The following METTL24 variants were observed in gnomAD, a reference collection of about 807,000 sequenced individuals.
METTL24 encodes methyltransferase like 24.
Under a neutral mutation model 32.7 loss-of-function variants are expected in METTL24, and 29 were observed. The ratio of observed to expected loss-of-function variants is 0.89; its 90% CI spans 0.66 to 1.21. METTL24 has a LOEUF of 1.21. Ranked by LOEUF, METTL24 falls within the 50% of genes most tolerant of loss-of-function variation. METTL24 has a pLI of 0.00. For missense variants in METTL24, 439 were observed against 468.1 expected (o/e 0.94, Z 0.57); for synonymous variants, 163 against 179.5 (o/e 0.91, Z 0.73).
intron 4 of METTL24, among the ~76,000 whole-genome samples, chr6:110,273,016 T>C (rs55868300): frequency 0.085 from 12,959 of 152,080 alleles, 582 homozygotes; most frequent in South Asian, 0.16. Flanking sequence ...TGCTTGGGGG[T>C]TCTTAGTCAT....
intron 3 of METTL24, among the ~76,000 whole-genome samples, chr6:110,305,405 A>G (rs1469611568): frequency 6.6e-6 from 1 of 151,854 alleles, no homozygotes; most frequent in Non-Finnish European, 1.5e-5. Flanking sequence ...ACAGAATGGG[A>G]AAAAAAATTT....
intron 4 of METTL24, among the ~76,000 whole-genome samples, chr6:110,267,822 A>C (rs898977260): frequency 2.3e-4 from 35 of 152,184 alleles, no homozygotes; most frequent in African/African-American, 8.4e-4. Context: ...ATTATGGTGG[A>C]AGGTAAAATG....
At chr6:110,356,238 G>A (rs560035777) in intron 1 of METTL24, among the ~76,000 whole-genome samples, 1 of 152,198 alleles carries the variant, frequency 6.6e-6, no homozygotes, top group East Asian at 1.9e-4. Flanking sequence ...GAGGTCAGGA[G>A]TTCGATACCA....
chr6:110,328,677 CAA>C (rs530971275), intron 1 of METTL24, among the ~76,000 whole-genome samples: 1 of 151,636 alleles, frequency 6.6e-6, no homozygotes, highest in East Asian at 1.9e-4. Context: ...AAGATAATGC[CAA>C]AAAAAGGGAA....
chr6:110,354,860 A>G (rs947384117), intron 1 of METTL24, among the ~76,000 whole-genome samples: 1 of 152,242 alleles, frequency 6.6e-6, no homozygotes, highest in Non-Finnish European at 1.5e-5. Context: ...TCCCGAAAAT[A>G]ATAGCTAGCG....
At chr6:110,263,804 A>C (rs1027316356) in intron 4 of METTL24, among the ~76,000 whole-genome samples, 2 of 152,260 alleles carry the variant, frequency 1.3e-5, no homozygotes, top group African/African-American at 4.8e-5. Context: ...CAGAGCCCTC[A>C]GAAATAATGC....
chr6:110,291,452 T>C (rs1422566044), intron 4 of METTL24, among the ~76,000 whole-genome samples: 1 of 152,234 alleles, frequency 6.6e-6, no homozygotes, highest in Non-Finnish European at 1.5e-5. Flanking sequence ...GAAAAGACTA[T>C]AATTTTTCCC....
chr6:110,333,693 C>T (rs542661784), intron 1 of METTL24, among the ~76,000 whole-genome samples: 474 of 152,272 alleles, frequency 3.1e-3, no homozygotes, highest in African/African-American at 7.1e-3. Flanking sequence ...CTGCCCACCT[C>T]GGCCTCCCAA....
chr6:110,335,652 C>T (rs1772211815), intron 1 of METTL24, among the ~76,000 whole-genome samples: 1 of 145,510 alleles, frequency 6.9e-6, no homozygotes. Flanking sequence ...GACTTGAACT[C>T]CTGGACTCAA....
intron 4 of METTL24, among the ~76,000 whole-genome samples, chr6:110,247,041 T>C (rs1223745650): frequency 6.6e-6 from 1 of 151,968 alleles, no homozygotes; most frequent in African/African-American, 2.4e-5. Context: ...AGAAGAGGAT[T>C]GTAATATCAA....
At chr6:110,322,505 A>G (rs1434682128) in intron 2 of METTL24, among the ~76,000 whole-genome samples, 2 of 152,232 alleles carry the variant, frequency 1.3e-5, no homozygotes, top group Non-Finnish European at 2.9e-5. Context: ...GCAATTTTCT[A>G]AAGTGGATCT....
At chr6:110,284,145 C>T (rs962108357) in intron 4 of METTL24, among the ~76,000 whole-genome samples, 1 of 152,084 alleles carries the variant, frequency 6.6e-6, no homozygotes, top group Non-Finnish European at 1.5e-5. Context: ...TCCACTTACA[C>T]GAGGTACCTA....
intron 4 of METTL24, among the ~76,000 whole-genome samples, chr6:110,279,973 G>A (rs1290014582): frequency 6.6e-6 from 1 of 152,170 alleles, no homozygotes; most frequent in Non-Finnish European, 1.5e-5. Flanking sequence ...GAAGGCAAAG[G>A]AGAAGCAGGC....
At chr6:110,338,503 A>C (rs1429867374) in intron 1 of METTL24, among the ~76,000 whole-genome samples, 1 of 152,226 alleles carries the variant, frequency 6.6e-6, no homozygotes, top group Non-Finnish European at 1.5e-5. Flanking sequence ...GTCTCAAAAA[A>C]CAAAGCCAAA....
chr6:110,267,414 A>G (rs1260799594), intron 4 of METTL24, among the ~76,000 whole-genome samples: 5 of 152,232 alleles, frequency 3.3e-5, no homozygotes, highest in Non-Finnish European at 7.3e-5. Flanking sequence ...TATCACTCAT[A>G]CGATAACCAA....
chr6:110,257,872 A>C (rs1441853047), intron 4 of METTL24, among the ~76,000 whole-genome samples: 1 of 152,198 alleles, frequency 6.6e-6, no homozygotes, highest in Non-Finnish European at 1.5e-5. Flanking sequence ...ATGAGGTTGG[A>C]ATATCCTAAA....
At chr6:110,278,068 GTGTT>G (rs1209363913) in intron 4 of METTL24, among the ~76,000 whole-genome samples, 1 of 152,132 alleles carries the variant, frequency 6.6e-6, no homozygotes, top group Non-Finnish European at 1.5e-5. Flanking sequence ...TGATATTAGT[GTGTT>G]TGTTTTTTAG....
chr6:110,341,697 A>G, intron 1 of METTL24, among the ~76,000 whole-genome samples: 1 of 152,204 alleles, frequency 6.6e-6, no homozygotes, highest in East Asian at 1.9e-4. Context: ...CAGTCTCAGT[A>G]TAGAGCAGAA....
At chr6:110,248,491 T>C (rs558260247) in intron 4 of METTL24, among the ~76,000 whole-genome samples, 1 of 152,346 alleles carries the variant, frequency 6.6e-6, no homozygotes, top group South Asian at 2.1e-4. Context: ...TAGGAAAGCC[T>C]GGGTGTCTGT....
Sources: gnomAD v4.1 joint callset for allele counts (sites outside exome capture counted in the v4.1 genomes callset) on GRCh38, gnomAD v4.1.1 for gene constraint, MANE v1.5 for transcripts, NCBI Gene and HGNC (gene_info 2026-07-23, HGNC 2026-07-21) for gene names.